The following ZNF536 variants were observed in gnomAD, a reference collection of about 807,000 sequenced individuals.
The protein encoded by ZNF536 is zinc finger protein 536.
Under a neutral mutation model 84.5 loss-of-function variants are expected in ZNF536, and 13 were observed. The observed-to-expected ratio is 0.15, with a 90% CI of 0.10 to 0.24. The LOEUF is 0.24. ZNF536 is among the 10% of genes least tolerant of loss of function. ZNF536 has a pLI of 1.00. For synonymous variants in ZNF536, 811 were observed against 742.5 expected, an observed-to-expected ratio of 1.09 and a Z score of -1.50; for missense variants, 1,536 against 1,747.5, an observed-to-expected ratio of 0.88 and a Z score of 2.16.
intron 2 of ZNF536, among the ~76,000 whole-genome samples, chr19:30,451,052 G>A (rs2052581749): frequency 6.6e-6 from 1 of 152,264 alleles, no homozygotes; most frequent in African/African-American, 2.4e-5. Flanking sequence ...CCGAAGCTGT[G>A]CCCAGGCGGA....
chr19:30,379,777 G>A (rs912286029), intron 1 of ZNF536, among the ~76,000 whole-genome samples: 2 of 152,040 alleles, frequency 1.3e-5, no homozygotes, highest in African/African-American at 4.8e-5. Context: ...GCTGTAAGGG[G>A]TGCTGATGCA....
At chr19:30,591,190 G>A (rs916245655) in intron 1 of ZNF536, among the ~76,000 whole-genome samples, 1 of 152,200 alleles carries the variant, frequency 6.6e-6, no homozygotes, top group African/African-American at 2.4e-5. Context: ...TATAGCAATG[G>A]TTATGTTTGA....
At chr19:30,535,089 T>A (rs2145943874) in intron 3 of ZNF536, 90 bp downstream of exon 3, 1 of 1,441,206 alleles carries the variant, frequency 6.9e-7, no homozygotes, top group Non-Finnish European at 9.3e-7. Flanking sequence ...CACAGCTGTG[T>A]GGGTCACTAA....
intron 1 of ZNF536, among the ~76,000 whole-genome samples, chr19:30,680,770 T>C (rs1348983184): frequency 6.6e-6 from 1 of 152,166 alleles, no homozygotes; most frequent in Non-Finnish European, 1.5e-5. Context: ...ATATACCCAG[T>C]AATGGGATGG....
In ZNF536 at chr19:30,445,698, G is replaced by A. The variant is rs1271945049; in HGVS notation, c.2136G>A (p.Glu712=). The A allele has an allele frequency of 6.3e-7, 1 of 1,590,940 alleles. No homozygotes were observed. The highest frequency in any genetic ancestry group is 2.2e-5 in the East Asian group (1 of 44,578). Residue 712 remains glutamate, a synonymous_variant, in exon 2 of 5, where the codon GAG becomes GAA. Coordinates refer to ENST00000355537, the MANE Select transcript of ZNF536 (RefSeq NM_014717.3). This position sits in a 1 kb window ranked among gnomAD's most constrained non-coding sequence, Gnocchi z 4.5. The part of the protein sequence containing the change: ...GGLSQTGSAQ[E]DSPHPSSPSS... ...TCTCCCAGACCGGGAGTGCCCAGGA[G>A]GACAGCCCGCACCCCTCCTCGCCAT...
intron 1 of ZNF536, among the ~76,000 whole-genome samples, chr19:30,244,134 G>A (rs1456920709): frequency 1.3e-5 from 2 of 152,110 alleles, no homozygotes; most frequent in Non-Finnish European, 2.9e-5. Flanking sequence ...GTTGATTAAG[G>A]TCAATGCTAG....
chr19:30,683,353 T>A lies in ZNF536; in HGVS notation c.170-27404T>A, dbSNP rs184607972. Among the ~76,000 whole-genome samples the A allele has an allele frequency of 3.5e-4, 54 of 152,348 alleles. 1 individual carries two copies. In the East Asian group the frequency reaches 8.1e-3, roughly 23 times the overall value. ...ACCATGAGCTCTAAGTAATCTCCTTTCTAATAAAGGAATTTGAAAGACCTT... is the reference window on the plus strand; with the variant it reads ...ACCATGAGCTCTAAGTAATCTCCTTACTAATAAAGGAATTTGAAAGACCTT... On this transcript the variant is annotated intron_variant, in intron 1 of 1. Transcript: ENST00000592773.
chr19:30,513,985 C>T (rs1396868291), intron 2 of ZNF536, among the ~76,000 whole-genome samples: 3 of 152,196 alleles, frequency 2.0e-5, no homozygotes, highest in African/African-American at 4.8e-5. Context: ...GTGGGACACA[C>T]GAGAGCCCAT....
chr19:30,605,869 G>A (rs985984987), intron 1 of ZNF536, among the ~76,000 whole-genome samples: 6 of 152,222 alleles, frequency 3.9e-5, no homozygotes, highest in African/African-American at 1.4e-4. Context: ...TATGACCCTG[G>A]CTTCAGATAG....
At chr19:30,553,121 C>G (rs1425740773) in intron 4 of ZNF536, among the ~76,000 whole-genome samples, 1 of 152,154 alleles carries the variant, frequency 6.6e-6, no homozygotes, top group Non-Finnish European at 1.5e-5. Flanking sequence ...TTTGGATATG[C>G]CCTTGGTTTT....
At chr19:30,298,354 C>A (rs1459652145) in intron 2 of ZNF536, among the ~76,000 whole-genome samples, 1 of 152,222 alleles carries the variant, frequency 6.6e-6, no homozygotes, top group Non-Finnish European at 1.5e-5. Flanking sequence ...CCCCCTGTGG[C>A]TCACACCCCA....
At chr19:30,533,420 T>C (rs957227551) in intron 2 of ZNF536, among the ~76,000 whole-genome samples, 1 of 151,774 alleles carries the variant, frequency 6.6e-6, no homozygotes, top group Non-Finnish European at 1.5e-5. Flanking sequence ...CTTGGGAAGC[T>C]AAGGCAGGAG....
rs866790036 is a variant in ZNF536 at position 30,445,207 on chromosome 19, G to A, written c.1645G>A (p.Glu549Lys). The change falls in exon 2 of 5, where the codon GAA (glutamate) becomes AAA (lysine). Residue 549 changes from glutamate (E) to lysine (K), a missense_variant. By Grantham distance (56) the Glu-to-Lys change is moderately conservative (BLOSUM62 1). Transcript: ENST00000355537. This position sits in a 1 kb window ranked among gnomAD's most constrained non-coding sequence, Gnocchi z 4.5. The part of the protein sequence containing the change: ...SKEHPLQRNH[E>K]DTLANAGVLF... ...AGAGCATCCGCTGCAGCGCAACCACGAAGACACTTTGGCAAACGCCGGGGT... is the reference window on the plus strand; with the variant it reads ...AGAGCATCCGCTGCAGCGCAACCACAAAGACACTTTGGCAAACGCCGGGGT... The A allele has an allele frequency of 6.2e-7, 1 of 1,614,172 alleles. No homozygotes were observed. Among genetic ancestry groups the A allele is most frequent in the Non-Finnish European group, 8.5e-7 (1 of 1,180,044 alleles).
intron 1 of ZNF536, among the ~76,000 whole-genome samples, chr19:30,236,746 G>GC (rs1461701112): frequency 8.5e-5 from 13 of 152,180 alleles, no homozygotes; most frequent in African/African-American, 3.1e-4. Context: ...CCAGGGTCTG[G>GC]TCATCTGGTT....
chr19:30,408,838 CTATA>C (rs957596943), intron 1 of ZNF536, among the ~76,000 whole-genome samples: 3 of 149,778 alleles, frequency 2.0e-5, no homozygotes, highest in Non-Finnish European at 1.5e-5. Context: ...ATCCATCCAT[CTATA>C]TATTCATCCA....
At chr19:30,545,966 C>G (rs977098340) in intron 3 of ZNF536, among the ~76,000 whole-genome samples, 6 of 152,256 alleles carry the variant, frequency 3.9e-5, no homozygotes, top group Admixed American at 1.3e-4. Context: ...TGCAGGCTTT[C>G]ATCGCCTGGC....
At chr19:30,531,594 C>T (rs775830726) in intron 2 of ZNF536, among the ~76,000 whole-genome samples, 2 of 152,102 alleles carry the variant, frequency 1.3e-5, no homozygotes, top group Non-Finnish European at 2.9e-5. Flanking sequence ...TTGCTCCCCT[C>T]CCTACCTCCC....
At chr19:30,225,716 TGCGGG>T (rs1248107854), upstream of ZNF536, among the ~76,000 whole-genome samples, 6 of 33,738 alleles carry the variant, frequency 1.8e-4, no homozygotes, top group Non-Finnish European at 2.7e-4. Context: ...CGCGGCGCGG[TGCGGG>T]GGGCGCGGCG....
chr19:30,483,226 T>C (rs944147159), intron 2 of ZNF536, among the ~76,000 whole-genome samples: 1 of 152,216 alleles, frequency 6.6e-6, no homozygotes, highest in African/African-American at 2.4e-5. Context: ...GTTGTACCTG[T>C]TGTACACTGT....
Sources: allele counts gnomAD v4.1 joint callset (sites outside exome capture counted in the v4.1 genomes callset), GRCh38; gene constraint gnomAD v4.1.1; non-coding constraint Gnocchi (gnomAD v3.1); transcripts MANE v1.5; gene names NCBI Gene and HGNC (gene_info 2026-07-23, HGNC 2026-07-21).